Variants in SHISA5 observed in about 807,000 individuals in gnomAD.
The protein encoded by SHISA5 is shisa family member 5.
A neutral mutation model predicts 27.5 loss-of-function variants in SHISA5; 21 were observed. The observed-to-expected ratio is 0.76, with a 90% CI of 0.54 to 1.10. The LOEUF (loss-of-function observed/expected upper bound fraction) is 1.10, where lower values mean the gene tolerates loss of function less well. Among genes scored for constraint, SHISA5 ranks in the 50% least tolerant of loss-of-function variants. The pLI is 0.00. For missense variants in SHISA5, 314 were observed against 336.3 expected, an observed-to-expected ratio of 0.93 and a Z score of 0.52; for synonymous variants, 137 against 142.2, an observed-to-expected ratio of 0.96 and a Z score of 0.26.
intron 3 of SHISA5, chr3:48,472,885 A>G (rs1203643836): frequency 5.9e-6 from 6 of 1,012,526 alleles, no homozygotes; most frequent in Non-Finnish European, 8.9e-6. Flanking sequence ...AGAGGCAGGA[A>G]TGGAGAAACG....
intron 2 of SHISA5, among the ~76,000 whole-genome samples, chr3:48,487,112 A>ACACACACACACGCACACG (rs747615772): frequency 2.7e-5 from 4 of 148,950 alleles, no homozygotes; most frequent in Non-Finnish European, 1.5e-5. Context: ...CCATAGGCGC[A>ACACACACACACGCACACG]CACACACACA....
intron 2 of SHISA5, among the ~76,000 whole-genome samples, chr3:48,485,585 TATAAG>T (rs989053016): frequency 2.1e-4 from 30 of 143,580 alleles, no homozygotes; most frequent in Non-Finnish European, 4.5e-4. Context: ...CTATATTTAA[TATAAG>T]ATAATATAAG....
At chr3:48,500,474 G>A (rs1013227012) in intron 2 of SHISA5, among the ~76,000 whole-genome samples, 12 of 152,118 alleles carry the variant, frequency 7.9e-5, no homozygotes, top group Admixed American at 1.3e-4. Context: ...AAATATGTAA[G>A]ATAGCGGGGG....
At chr3:48,472,068 A>T (rs1278392629) in intron 3 of SHISA5, among the ~76,000 whole-genome samples, 1 of 152,078 alleles carries the variant, frequency 6.6e-6, no homozygotes, top group East Asian at 1.9e-4. Flanking sequence ...CTGTAGTCCC[A>T]GCTACTCAGG....
rs1383941042 is a variant in SHISA5, at chr3:48,469,120, T to C, written c.710A>G (p.Lys237Arg). The change falls in exon 6 of 6, where the codon AAG becomes AGG. Residue 237 changes from lysine (K) to arginine (R), a missense_variant. Physicochemically the swap from Lys to Arg is conservative, Grantham distance 26. Coordinates refer to ENST00000296444, the MANE Select transcript of SHISA5 (RefSeq NM_016479.6). This position sits in a 1 kb window ranked among gnomAD's most constrained non-coding sequence, Gnocchi z 4.6. ...PYNPAYMDAP[K>R]AAL ...GCCAGGGAATGCTCAGAGGGCCGCC[T>C]TCGGGGCATCCATGTAGGCCGGGTT... The C allele has an allele frequency of 1.2e-6, 2 of 1,613,102 alleles. No homozygotes were observed. The highest frequency in any genetic ancestry group is 2.2e-5 in the East Asian group (1 of 44,888).
chr3:48,478,960 C>T (rs1025996289), intron 3 of SHISA5, among the ~76,000 whole-genome samples: 7 of 152,122 alleles, frequency 4.6e-5, no homozygotes, highest in Middle Eastern at 3.2e-3. Context: ...TGTCAACCCC[C>T]GACCACAGTC....
chr3:48,479,958 C>T (rs1010822627), intron 2 of SHISA5, among the ~76,000 whole-genome samples: 1 of 148,410 alleles, frequency 6.7e-6, no homozygotes, highest in South Asian at 2.1e-4. Flanking sequence ...GGCTGGAGTG[C>T]GGTGGCGCGA....
chr3:48,486,470 TATTA>T (rs1339355153), intron 2 of SHISA5, among the ~76,000 whole-genome samples: 2 of 107,548 alleles, frequency 1.9e-5, no homozygotes, highest in Non-Finnish European at 3.4e-5. Context: ...TTTATAATTA[TATTA>T]TATATATTAC....
Position 48,468,513 on chromosome 3 carries a change from C to T in SHISA5, c.*594G>A, listed in dbSNP as rs1343335157. ...AGGAGGCTGCCTGATCCCCAACAGG[C>T]ATGACAGGCTCCAGGGAGCAATGGG... is the stretch of plus-strand genomic sequence containing the variant. On this transcript the variant is annotated 3_prime_UTR_variant, in exon 6 of 6. Transcript: ENST00000296444. The T allele has an allele frequency of 3.4e-6, 4 of 1,185,302 alleles. No individual in the cohort carries two copies. The African/African-American group carries it at 6.4e-5, about 19-fold the overall frequency. The allele number at this position is 1,185,302 out of a possible 1,614,324, so 73.4% of individuals were successfully genotyped here. A position where few individuals can be genotyped will look rare whatever the true frequency, so the allele number is the denominator to read the frequency against.
chr3:48,471,525 A>T (rs1483095607), intron 3 of SHISA5, among the ~76,000 whole-genome samples: 1 of 141,508 alleles, frequency 7.1e-6, no homozygotes, highest in South Asian at 2.5e-4. Context: ...ACTGCACTCC[A>T]GCCTGGGGGA....
rs2040554820 is a variant in SHISA5 at position 48,470,139 on chromosome 3, C to T, written c.315-296G>A. ...ACATACATCTATCTTGTCCACCTCA[C>T]AACCAACTGATCAGCAGATGGGTAT... On this transcript the variant is annotated intron_variant, in intron 3 of 5. Transcript: ENST00000296444. This position sits in a 1 kb window ranked among gnomAD's most constrained non-coding sequence, Gnocchi z 4.3. Among the ~76,000 whole-genome samples, 1 of 152,362 alleles carries T rather than the reference C, an allele frequency of 6.6e-6. No homozygotes were observed. The highest frequency in any genetic ancestry group is 1.5e-5 in the Non-Finnish European group (1 of 68,022).
At chr3:48,498,824 G>A (rs1428375737) in intron 2 of SHISA5, among the ~76,000 whole-genome samples, 2 of 152,080 alleles carry the variant, frequency 1.3e-5, no homozygotes, top group African/African-American at 4.8e-5. Context: ...GCTCACGCCT[G>A]TAATCCCAGC....
In SHISA5 at chr3:48,501,142, C is replaced by G; in HGVS notation, c.228G>C (p.Glu76Asp). 1 of 1,610,684 alleles carries G rather than the reference C, an allele frequency of 6.2e-7. No homozygotes were observed. The highest frequency in any genetic ancestry group is 1.1e-5 in the South Asian group (1 of 90,778). ...TGACCCACTGGTGCACCCACCTGGC[C>G]TCAGGCACAGCACACCTTTCCTCGC... ...VWSEERCAVP[E>D]ASVPASVEPV... is the part of the protein sequence containing the mutation. The change falls in exon 2 of 6, where the codon GAG (glutamate) becomes GAC (aspartate). Residue 76 changes from glutamate (E) to aspartate (D), a missense_variant. Transcript: ENST00000296444.
At chr3:48,492,218 C>T (rs1334394915) in intron 2 of SHISA5, among the ~76,000 whole-genome samples, 1 of 145,222 alleles carries the variant, frequency 6.9e-6, no homozygotes, top group Non-Finnish European at 1.5e-5. Context: ...CGCCTGTAAT[C>T]CCAGCACTTT....
chr3:48,476,272 C>T (rs1302007325), intron 3 of SHISA5, among the ~76,000 whole-genome samples: 7 of 148,082 alleles, frequency 4.7e-5, no homozygotes, highest in East Asian at 2.0e-4. Flanking sequence ...ACCCAGGAGG[C>T]GGAGGTTGCA....
chr3:48,477,899 C>G (rs1387232166), intron 3 of SHISA5, among the ~76,000 whole-genome samples: 2 of 152,216 alleles, frequency 1.3e-5, no homozygotes, highest in Non-Finnish European at 2.9e-5. Context: ...GGCCAGGAAG[C>G]CGCCTGAGGC....
intron 3 of SHISA5, among the ~76,000 whole-genome samples, chr3:48,474,617 C>T (rs1199500680): frequency 6.6e-6 from 1 of 151,974 alleles, no homozygotes; most frequent in Non-Finnish European, 1.5e-5. Flanking sequence ...GATTACAGGC[C>T]TGAGCCACCG....
rs945979041 is a variant in SHISA5, at chr3:48,470,835, G to A, written c.315-992C>T. On this transcript the variant is annotated intron_variant, in intron 3 of 5. Coordinates refer to ENST00000296444, the MANE Select transcript of SHISA5 (RefSeq NM_016479.6). This position sits in a 1 kb window ranked among gnomAD's most constrained non-coding sequence, Gnocchi z 4.3. Reference sequence around the variant, plus strand: ...CCAGCTACTTGGGAGGCTGAGGCAGGAGAATCGCTTGAACCCGAGAGGCAG... The same window carrying A: ...CCAGCTACTTGGGAGGCTGAGGCAGAAGAATCGCTTGAACCCGAGAGGCAG... Among the ~76,000 whole-genome samples, 1 of 152,002 alleles carries A rather than the reference G, an allele frequency of 6.6e-6. No homozygotes were observed. The highest frequency in any genetic ancestry group is 1.5e-5 in the Non-Finnish European group (1 of 67,996).
rs777235769 is a variant in SHISA5 at position 48,468,842 on chromosome 3, T to C, written c.*265A>G. 8.7e-6 allele frequency: 13 copies of C among 1,500,400 alleles called. No individual in the cohort carries two copies. Among genetic ancestry groups the C allele is most frequent in the Middle Eastern group, 1.7e-4 (1 of 5,854 alleles). The allele number at this position is 1,500,400 out of a possible 1,614,324, so 92.9% of individuals were successfully genotyped here. A position where few individuals can be genotyped will look rare whatever the true frequency, so the allele number is the denominator to read the frequency against. ...GCCCCCCACCACCCCATTCTTTGAGTTTGGCTTGAGATTTTAGGAAGCATA... is the reference window on the plus strand; with the variant it reads ...GCCCCCCACCACCCCATTCTTTGAGCTTGGCTTGAGATTTTAGGAAGCATA... On this transcript the variant is annotated 3_prime_UTR_variant, in exon 6 of 6. Coordinates refer to ENST00000296444, the MANE Select transcript of SHISA5 (RefSeq NM_016479.6).
Sources: allele counts gnomAD v4.1 joint callset (sites outside exome capture counted in the v4.1 genomes callset), GRCh38; gene constraint gnomAD v4.1.1; non-coding constraint Gnocchi (gnomAD v3.1); transcripts MANE v1.5; gene names NCBI Gene and HGNC (gene_info 2026-07-23, HGNC 2026-07-21).